The following KCNH8 variants were observed in gnomAD, a reference collection of about 807,000 sequenced individuals.
KCNH8 encodes voltage-gated delayed rectifier potassium channel KCNH8.
A neutral mutation model predicts 103.6 loss-of-function variants in KCNH8; 70 were observed. The ratio of observed to expected loss-of-function variants is 0.68; its 90% confidence interval spans 0.56 to 0.82. The LOEUF (loss-of-function observed/expected upper bound fraction) is 0.82. Among genes scored for constraint, KCNH8 ranks in the 40% least tolerant of loss-of-function variants. KCNH8 has a pLI of 0.00. For synonymous variants in KCNH8, 498 were observed against 489.4 expected (o/e 1.02, Z -0.23); for missense variants, 1,217 against 1,329.9 (o/e 0.92, Z 1.32).
In KCNH8 at chr3:19,278,011, T is replaced by C. The variant is rs2064699318; in HGVS notation, c.311-3187T>C. Among the ~76,000 whole-genome samples the C allele has an allele frequency of 2.0e-5, 3 of 152,258 alleles. No individual in the cohort carries two copies. In the South Asian group the frequency reaches 6.2e-4, roughly 32 times the overall value. On this transcript the variant is annotated intron_variant, in intron 2 of 15. Transcript: ENST00000328405. The stretch of plus-strand genomic sequence containing the variant: ...CACCTTAACCCTAAGAGAGATTTGT[T>C]GCACTGGGCCTGAATTGCTCTTGAC...
chr3:19,379,500 C>T (rs182950368), intron 5 of KCNH8, among the ~76,000 whole-genome samples: 23 of 152,060 alleles, frequency 1.5e-4, no homozygotes, highest in African/African-American at 4.8e-4. Flanking sequence ...ATTACTCAGG[C>T]GTGGTGGCAT....
intron 3 of KCNH8, among the ~76,000 whole-genome samples, chr3:19,313,733 T>C (rs1418395980): frequency 6.6e-6 from 1 of 150,450 alleles, no homozygotes; most frequent in African/African-American, 2.4e-5. Context: ...TAACTGTAAA[T>C]GAAGAAACAC....
intron 15 of KCNH8, among the ~76,000 whole-genome samples, chr3:19,527,499 G>A (rs2069085736): frequency 6.6e-6 from 1 of 151,928 alleles, no homozygotes; most frequent in East Asian, 1.9e-4. Context: ...TCACAACAAG[G>A]CCCTTATGGA....
At chr3:19,223,327 T>C (rs1424481038) in intron 1 of KCNH8, among the ~76,000 whole-genome samples, 1 of 152,202 alleles carries the variant, frequency 6.6e-6, no homozygotes, top group Non-Finnish European at 1.5e-5. Flanking sequence ...GTAAGTCTAT[T>C]GCAGACTGAC....
intron 1 of KCNH8, among the ~76,000 whole-genome samples, chr3:19,184,580 G>T (rs567354293): frequency 6.6e-6 from 1 of 151,864 alleles, no homozygotes; most frequent in African/African-American, 2.4e-5. Context: ...ATGATATTTC[G>T]TTTTAAAATG....
At chr3:19,196,553 A>G (rs563165064) in intron 1 of KCNH8, among the ~76,000 whole-genome samples, 28 of 151,950 alleles carry the variant, frequency 1.8e-4, no homozygotes, top group African/African-American at 6.3e-4. Context: ...TGTACTGTTT[A>G]TTGTCTTTAA....
At chr3:19,488,061 C>A (rs574118905) in intron 11 of KCNH8, among the ~76,000 whole-genome samples, 5 of 152,188 alleles carry the variant, frequency 3.3e-5, no homozygotes, top group South Asian at 4.1e-4. Flanking sequence ...TCCTTGGGGG[C>A]GCTTCAGCCC....
rs138450945 is a variant in KCNH8, at chr3:19,490,699, C to G, written c.2041-19664C>G. ...GACAATATGAGGGGTGGTCTCCCCC[C>G]CTTAAAGTGAGCAAATAATCTCATC... On this transcript the variant is annotated intron_variant, in intron 11 of 15. Transcript: ENST00000328405. Among the ~76,000 whole-genome samples the G allele has an allele frequency of 1.7e-3, 266 of 152,232 alleles. 1 individual carries two copies. The highest frequency in any genetic ancestry group is 5.3e-3 in the African/African-American group (220 of 41,546).
chr3:19,382,779 C>T (rs2066305723), intron 5 of KCNH8, among the ~76,000 whole-genome samples: 1 of 152,094 alleles, frequency 6.6e-6, no homozygotes, highest in South Asian at 2.1e-4. Context: ...TTTACAAAAA[C>T]ACCTATCAGT....
intron 3 of KCNH8, among the ~76,000 whole-genome samples, chr3:19,330,716 T>C (rs1169760514): frequency 6.6e-6 from 1 of 152,174 alleles, no homozygotes; most frequent in Non-Finnish European, 1.5e-5. Flanking sequence ...TGGTATCATA[T>C]AGTACAAACA....
intron 7 of KCNH8, among the ~76,000 whole-genome samples, chr3:19,396,674 G>A (rs866867120): frequency 6.6e-6 from 1 of 152,034 alleles, no homozygotes; most frequent in East Asian, 1.9e-4. Flanking sequence ...GAGAAAGAGA[G>A]AGAGAAGAGT....
chr3:19,309,392 T>C (rs948542434), intron 3 of KCNH8, among the ~76,000 whole-genome samples: 1 of 151,992 alleles, frequency 6.6e-6, no homozygotes, highest in Non-Finnish European at 1.5e-5. Context: ...TTTCATAAAG[T>C]CAGAAAGCAC....
chr3:19,209,458 A>C (rs1053016366), intron 1 of KCNH8, among the ~76,000 whole-genome samples: 1 of 152,118 alleles, frequency 6.6e-6, no homozygotes, highest in African/African-American at 2.4e-5. Flanking sequence ...GGATCATTTT[A>C]AAATGAAGTA....
At position 19,229,557 on chromosome 3, in the gene KCNH8, C is replaced by T. The variant is rs116718367; in HGVS notation, c.77-24097C>T. Among the ~76,000 whole-genome samples the T allele has an allele frequency of 7.7e-3, 1,174 of 152,328 alleles. 16 individuals carry two copies. Among genetic ancestry groups the T allele is most frequent in the African/African-American group, 0.026 (1,081 of 41,570 alleles). On this transcript the variant is annotated intron_variant, in intron 1 of 15. Coordinates refer to ENST00000328405, the MANE Select transcript of KCNH8 (RefSeq NM_144633.3). The stretch of plus-strand genomic sequence containing the variant: ...ACTGCTGGATCAGCTGGACACAGGG[C>T]ACCAAGTCCGTAGGCTGCGCACAGC...
intron 7 of KCNH8, among the ~76,000 whole-genome samples, chr3:19,423,352 G>T (rs2066978814): frequency 6.6e-6 from 1 of 151,908 alleles, no homozygotes; most frequent in African/African-American, 2.4e-5. Flanking sequence ...AAGTTCTTTA[G>T]TAGTGATTTC....
intron 11 of KCNH8, among the ~76,000 whole-genome samples, chr3:19,459,303 G>A (rs1286480481): frequency 6.6e-6 from 1 of 151,148 alleles, no homozygotes; most frequent in Non-Finnish European, 1.5e-5. Context: ...TAATAGGTGT[G>A]GTTTTAATTT....
chr3:19,268,683 T>A (rs2064547877), intron 2 of KCNH8, among the ~76,000 whole-genome samples: 1 of 152,098 alleles, frequency 6.6e-6, no homozygotes, highest in Non-Finnish European at 1.5e-5. Flanking sequence ...GAGTGTGATG[T>A]GAAGACCAGC....
chr3:19,387,455 C>A (rs2066372631), intron 5 of KCNH8, among the ~76,000 whole-genome samples: 1 of 152,094 alleles, frequency 6.6e-6, no homozygotes, highest in Admixed American at 6.6e-5. Flanking sequence ...TGATAGTAGT[C>A]CACCTGAGAG....
At chr3:19,411,602 T>G (rs920456950) in intron 7 of KCNH8, among the ~76,000 whole-genome samples, 1 of 152,034 alleles carries the variant, frequency 6.6e-6, no homozygotes, top group Non-Finnish European at 1.5e-5. Context: ...ATTCTACACC[T>G]TGAAAACCCT....
Sources: allele counts gnomAD v4.1 joint callset (sites outside exome capture counted in the v4.1 genomes callset), GRCh38; gene constraint gnomAD v4.1.1; transcripts MANE v1.5; gene names NCBI Gene and HGNC (gene_info 2026-07-23, HGNC 2026-07-21).